CCSER1: variants seen among roughly 807,000 people sequenced by gnomAD.
The protein encoded by CCSER1 is serine-rich coiled-coil domain-containing protein 1.
A neutral mutation model predicts 82.0 loss-of-function variants in CCSER1; 41 were observed. That is an observed-to-expected ratio of 0.50 (90% CI 0.39 to 0.65). The LOEUF is 0.65. Among genes scored for constraint, CCSER1 ranks in the 30% least tolerant of loss-of-function variants. The pLI, the probability that CCSER1 is intolerant of heterozygous loss-of-function variation, is 0.00. For missense variants in CCSER1, 1,119 were observed against 1,064.2 expected (o/e 1.05, Z -0.72); for synonymous variants, 414 against 383.9 (o/e 1.08, Z -0.92).
At chr4:90,517,270 A>G (rs895891089) in intron 5 of CCSER1, among the ~76,000 whole-genome samples, 2 of 152,162 alleles carry the variant, frequency 1.3e-5, no homozygotes, top group African/African-American at 4.8e-5. Flanking sequence ...CTGAGTGTGT[A>G]TTGTTTTTGC....
chr4:91,244,051 C>G (rs1739575142), intron 10 of CCSER1, among the ~76,000 whole-genome samples: 1 of 152,140 alleles, frequency 6.6e-6, no homozygotes, highest in Non-Finnish European at 1.5e-5. Context: ...AAGGGTGAGT[C>G]CCAGACATGG....
At chr4:91,549,287 T>C (rs1446106873) in intron 10 of CCSER1, among the ~76,000 whole-genome samples, 2 of 152,168 alleles carry the variant, frequency 1.3e-5, no homozygotes, top group Non-Finnish European at 2.9e-5. Context: ...CTAATAAAGA[T>C]CTTAGCATAT....
At chr4:91,158,618 TTCTG>T (rs1368112207) in intron 10 of CCSER1, among the ~76,000 whole-genome samples, 4 of 137,556 alleles carry the variant, frequency 2.9e-5, no homozygotes, top group East Asian at 2.1e-4. Flanking sequence ...CTCCCTCTCT[TTCTG>T]TGTGTGTGTG....
chr4:90,932,941 A>AG lies in CCSER1; in HGVS notation c.2172+9495dup, dbSNP rs1213379584. Among the ~76,000 whole-genome samples the AG allele has an allele frequency of 2.2e-3, 80 of 36,154 alleles. 16 individuals carry two copies. The highest frequency in any genetic ancestry group is 0.018 in the African/African-American group (74 of 4,094). 23.7% of individuals were successfully genotyped at this position (36,154 alleles called of 152,430 possible). A position where few individuals can be genotyped will look rare whatever the true frequency, so the allele number is the denominator to read the frequency against. On this transcript the variant is annotated intron_variant, in intron 9 of 10. Coordinates refer to ENST00000509176, the MANE Select transcript of CCSER1 (RefSeq NM_001145065.2). Reference sequence around the variant, plus strand: ...AAGAAAGAAAGAAAGAAAGAAAGAAAGAAAGAAAGAAAGAAAGAAAGAAAG... The same window carrying AG: ...AAGAAAGAAAGAAAGAAAGAAAGAAAGGAAAGAAAGAAAGAAAGAAAGAAAG...
At chr4:91,154,758 A>G (rs1730633268) in intron 10 of CCSER1, among the ~76,000 whole-genome samples, 1 of 152,162 alleles carries the variant, frequency 6.6e-6, no homozygotes, top group African/African-American at 2.4e-5. Flanking sequence ...AGAGCTTTAC[A>G]GAAAATTAAA....
chr4:91,486,682 ATAATC>A (rs774138808), intron 10 of CCSER1, among the ~76,000 whole-genome samples: 8 of 152,240 alleles, frequency 5.3e-5, no homozygotes, highest in Non-Finnish European at 1.2e-4. Context: ...TGTATTATAA[ATAATC>A]TAAAGAGATT....
chr4:91,341,194 A>T (rs1008296137), intron 10 of CCSER1, among the ~76,000 whole-genome samples: 2 of 152,160 alleles, frequency 1.3e-5, no homozygotes, highest in African/African-American at 2.4e-5. Flanking sequence ...ATTGCTTTCT[A>T]AGGTGACTTA....
At chr4:91,367,348 T>C (rs1280498294) in intron 10 of CCSER1, among the ~76,000 whole-genome samples, 2 of 148,418 alleles carry the variant, frequency 1.3e-5, no homozygotes, top group Non-Finnish European at 3.0e-5. Flanking sequence ...AGTTAAAATA[T>C]TAAATATACA....
chr4:91,180,205 TGTCA>T (rs1364572292), intron 10 of CCSER1, among the ~76,000 whole-genome samples: 4 of 152,156 alleles, frequency 2.6e-5, no homozygotes, highest in African/African-American at 9.6e-5. Flanking sequence ...CTGTATGAGG[TGTCA>T]GTCAGCTGCT....
At chr4:90,773,364 C>T (rs1752488682) in intron 7 of CCSER1, among the ~76,000 whole-genome samples, 1 of 152,124 alleles carries the variant, frequency 6.6e-6, no homozygotes, top group Non-Finnish European at 1.5e-5. Context: ...GATGAATCGA[C>T]ACATCAGAAT....
At chr4:90,229,735 G>A (rs1224373954) in intron 1 of CCSER1, among the ~76,000 whole-genome samples, 1 of 152,156 alleles carries the variant, frequency 6.6e-6, no homozygotes, top group Non-Finnish European at 1.5e-5. Context: ...CATCTCACAT[G>A]CAGAGACACA....
chr4:90,808,276 A>G (rs560107157), intron 7 of CCSER1, among the ~76,000 whole-genome samples: 5 of 152,266 alleles, frequency 3.3e-5, no homozygotes, highest in Admixed American at 1.3e-4. Flanking sequence ...AAGCCCTAAA[A>G]CCATAAAAAT....
chr4:90,351,915 T>G (rs192198191), intron 3 of CCSER1, among the ~76,000 whole-genome samples: 2 of 152,324 alleles, frequency 1.3e-5, no homozygotes, highest in East Asian at 3.9e-4. Context: ...TATACTTTTT[T>G]TGTGTGTGTT....
At chr4:90,939,102 C>T (rs969811457) in intron 9 of CCSER1, among the ~76,000 whole-genome samples, 27 of 152,128 alleles carry the variant, frequency 1.8e-4, no homozygotes, top group African/African-American at 6.5e-4. Flanking sequence ...AATTTCATCA[C>T]ATATTCTTTG....
At chr4:90,725,900 A>G (rs1176141152) in intron 7 of CCSER1, among the ~76,000 whole-genome samples, 2 of 151,940 alleles carry the variant, frequency 1.3e-5, no homozygotes, top group African/African-American at 4.8e-5. Context: ...GGTAACTAGA[A>G]AATAAAAGGT....
chr4:90,367,664 T>C (rs2153522319), intron 3 of CCSER1, among the ~76,000 whole-genome samples: 1 of 151,868 alleles, frequency 6.6e-6, no homozygotes, highest in African/African-American at 2.4e-5. Flanking sequence ...CAGAAAGACC[T>C]TTGCAAGAAT....
chr4:91,548,919 C>G (rs1193637662), intron 10 of CCSER1, among the ~76,000 whole-genome samples: 2 of 152,046 alleles, frequency 1.3e-5, no homozygotes, highest in African/African-American at 4.8e-5. Context: ...GGGGAAAATT[C>G]TTCATCATTA....
intron 10 of CCSER1, among the ~76,000 whole-genome samples, chr4:91,469,746 T>C (rs565326375): frequency 6.6e-6 from 1 of 152,246 alleles, no homozygotes; most frequent in African/African-American, 2.4e-5. Flanking sequence ...GGATCTATGA[T>C]ACTTATTAAT....
intron 5 of CCSER1, among the ~76,000 whole-genome samples, chr4:90,504,294 C>G (rs570385559): frequency 6.6e-6 from 1 of 152,174 alleles, no homozygotes; most frequent in African/African-American, 2.4e-5. Flanking sequence ...ATTTATAAGC[C>G]TGTTTGGCAC....
Sources: allele counts gnomAD v4.1 joint callset (sites outside exome capture counted in the v4.1 genomes callset), GRCh38; gene constraint gnomAD v4.1.1; transcripts MANE v1.5; gene names NCBI Gene and HGNC (gene_info 2026-07-23, HGNC 2026-07-21).